The following IL1RAPL1 variants were observed in gnomAD, a reference collection of about 807,000 sequenced individuals.
The protein encoded by IL1RAPL1 is interleukin 1 receptor accessory protein like 1.
Under a neutral mutation model 48.4 loss-of-function variants are expected in IL1RAPL1, and 3 were observed. The ratio of observed to expected loss-of-function variants is 0.06; its 90% CI spans 0.03 to 0.16. IL1RAPL1 has a LOEUF of 0.16. Among genes scored for constraint, IL1RAPL1 ranks in the 10% least tolerant of loss-of-function variants. The pLI is 1.00. For missense variants in IL1RAPL1, 349 were observed against 530.6 expected, an observed-to-expected ratio of 0.66 and a Z score of 3.36; for synonymous variants, 185 against 187.7, an observed-to-expected ratio of 0.99 and a Z score of 0.12.
intron 6 of IL1RAPL1, among the ~76,000 whole-genome samples, chrX:29,685,785 G>A (rs1048472959): frequency 9.1e-6 from 1 of 110,003 alleles, no homozygotes; most frequent in African/African-American, 3.3e-5. Flanking sequence ...AGGAGTTCGA[G>A]ACCGGCCTGG....
At chrX:29,814,071 T>A (rs1357049522) in intron 6 of IL1RAPL1, among the ~76,000 whole-genome samples, 1 of 111,860 alleles carries the variant, frequency 8.9e-6, no homozygotes, top group Admixed American at 9.5e-5. Context: ...GGAGTCTTTT[T>A]GGTAGAATGA....
chrX:29,021,215 GAAAAAAA>G (rs746008500), intron 2 of IL1RAPL1, among the ~76,000 whole-genome samples: 7 of 41,957 alleles, frequency 1.7e-4, no homozygotes, highest in Admixed American at 3.6e-4. Context: ...CCGTCTCAAG[GAAAAAAA>G]AAAAAAAAAA....
intron 1 of IL1RAPL1, among the ~76,000 whole-genome samples, chrX:28,601,092 A>G: frequency 9.0e-6 from 1 of 111,497 alleles, no homozygotes; most frequent in South Asian, 3.8e-4. Flanking sequence ...AGAAAAATTG[A>G]ATAGGGATGA....
At chrX:29,502,175 T>G (rs1003424558) in intron 5 of IL1RAPL1, among the ~76,000 whole-genome samples, 1 of 111,631 alleles carries the variant, frequency 9.0e-6, no homozygotes, top group South Asian at 3.7e-4. Flanking sequence ...TTGGTTTTTT[T>G]GTATCCTGCA....
At chrX:29,791,153 C>G (rs1393246721) in intron 6 of IL1RAPL1, among the ~76,000 whole-genome samples, 1 of 110,528 alleles carries the variant, frequency 9.0e-6, no homozygotes, top group East Asian at 2.8e-4. Flanking sequence ...TCTCTCTATT[C>G]TATTTATTTT....
At chrX:29,233,192 C>T (rs765155549) in intron 2 of IL1RAPL1, among the ~76,000 whole-genome samples, 1 of 111,479 alleles carries the variant, frequency 9.0e-6, no homozygotes, top group Admixed American at 9.6e-5. Flanking sequence ...CCTCCTTCCC[C>T]TGTACTCAAG....
chrX:29,246,968 A>G (rs1041646943), intron 2 of IL1RAPL1, among the ~76,000 whole-genome samples: 1 of 111,891 alleles, frequency 8.9e-6, no homozygotes, highest in African/African-American at 3.2e-5. Context: ...GTTTTAATGT[A>G]AGGTGAAACA....
chrX:29,230,202 A>G (rs1240488277), intron 2 of IL1RAPL1, among the ~76,000 whole-genome samples: 1 of 111,126 alleles, frequency 9.0e-6, no homozygotes, highest in African/African-American at 3.3e-5. Context: ...ATGTCTATAC[A>G]CTGTAAGTCT....
chrX:29,858,018 G>A (rs1201159352), intron 6 of IL1RAPL1, among the ~76,000 whole-genome samples: 1 of 111,884 alleles, frequency 8.9e-6, no homozygotes, highest in Non-Finnish European at 1.9e-5. Flanking sequence ...GGGGAGATCA[G>A]AATGTTCTTC....
intron 2 of IL1RAPL1, among the ~76,000 whole-genome samples, chrX:28,853,974 A>T (rs73631612): frequency 0.052 from 5,827 of 111,545 alleles, 356 homozygotes; most frequent in African/African-American, 0.18. Flanking sequence ...AAGGGCACAA[A>T]CAGAAGATAT....
chrX:28,768,638 T>C (rs1392522647), intron 1 of IL1RAPL1, among the ~76,000 whole-genome samples: 1 of 104,199 alleles, frequency 9.6e-6, no homozygotes, highest in Admixed American at 1.1e-4. Flanking sequence ...CAATGTAATA[T>C]TGCTTTTAGG....
intron 2 of IL1RAPL1, among the ~76,000 whole-genome samples, chrX:29,050,000 A>G (rs1266425890): frequency 1.8e-5 from 2 of 112,038 alleles, no homozygotes; most frequent in African/African-American, 6.5e-5. Flanking sequence ...TTGGATCCAT[A>G]TTGCATTTAA....
chrX:28,723,572 G>T (rs1324527422), intron 1 of IL1RAPL1, among the ~76,000 whole-genome samples: 3 of 111,493 alleles, frequency 2.7e-5, no homozygotes, highest in African/African-American at 9.8e-5. Context: ...TTTTTGAAGG[G>T]TTTTTTGTGT....
intron 3 of IL1RAPL1, among the ~76,000 whole-genome samples, chrX:29,346,757 C>T (rs1189263046): frequency 1.8e-5 from 2 of 112,209 alleles, no homozygotes; most frequent in African/African-American, 6.5e-5. Context: ...AATTACATTT[C>T]TCAGGGTACA....
At chrX:29,792,506 C>T (rs145619697) in intron 6 of IL1RAPL1, among the ~76,000 whole-genome samples, 3,243 of 111,504 alleles carry the variant, frequency 0.029, 96 homozygotes, top group African/African-American at 0.1. Flanking sequence ...GAAATACTCT[C>T]GGAATGATTA....
chrX:29,742,401 A>T (rs1308385752), intron 6 of IL1RAPL1, among the ~76,000 whole-genome samples: 1 of 111,276 alleles, frequency 9.0e-6, no homozygotes, highest in Non-Finnish European at 1.9e-5. Flanking sequence ...TAGCTAATAG[A>T]ATTCATGGCC....
chrX:29,463,912 C>T (rs1036614808), intron 5 of IL1RAPL1, among the ~76,000 whole-genome samples: 8 of 111,101 alleles, frequency 7.2e-5, no homozygotes, highest in Non-Finnish European at 1.5e-4. Context: ...CCGACACTAC[C>T]GACCAACAGT....
chrX:29,523,116 T>C (rs1225045078), intron 5 of IL1RAPL1, among the ~76,000 whole-genome samples: 1 of 112,090 alleles, frequency 8.9e-6, no homozygotes, highest in Non-Finnish European at 1.9e-5. Flanking sequence ...AGATAATTTA[T>C]GACTGAATAT....
chrX:29,096,068 A>G (rs1319359544), intron 2 of IL1RAPL1, among the ~76,000 whole-genome samples: 3 of 111,404 alleles, frequency 2.7e-5, no homozygotes, highest in Non-Finnish European at 5.7e-5. Context: ...ATCTTTGATA[A>G]TCCCCATGAA....
Sources: allele counts gnomAD v4.1 joint callset (sites outside exome capture counted in the v4.1 genomes callset), GRCh38; gene constraint gnomAD v4.1.1; transcripts MANE v1.5; gene names NCBI Gene and HGNC (gene_info 2026-07-23, HGNC 2026-07-21).